Variants in DCAF8 observed in about 807,000 individuals in gnomAD.
DCAF8 encodes DDB1- and CUL4-associated factor 8.
In DCAF8, 20 loss-of-function variants were observed where a neutral mutation model predicts 68.0. The observed-to-expected ratio is 0.29, with a 90% confidence interval of 0.21 to 0.43. The LOEUF (loss-of-function observed/expected upper bound fraction) is 0.43. Among genes scored for constraint, DCAF8 ranks in the 20% least tolerant of loss-of-function variants. The pLI, the probability that DCAF8 is intolerant of heterozygous loss-of-function variation, is 1.00. For synonymous variants in DCAF8, 230 were observed against 276.9 expected (o/e 0.83, Z 1.68); for missense variants, 460 against 771.0 (o/e 0.60, Z 4.78).
At chr1:160,245,687 G>C (rs1039941376) in intron 2 of DCAF8, among the ~76,000 whole-genome samples, 2 of 152,148 alleles carry the variant, frequency 1.3e-5, no homozygotes, top group African/African-American at 4.8e-5. Flanking sequence ...ATAGTGAGAA[G>C]CTGTTTGCAA....
At chr1:160,222,811 A>G in intron 10 of DCAF8, 30 bp from the exon 11 acceptor site, 2 of 1,613,958 alleles carry the variant, frequency 1.2e-6, no homozygotes, top group Non-Finnish European at 1.7e-6. Flanking sequence ...AAGAAACCAC[A>G]TGAGGGTTGG....
intron 2 of DCAF8, among the ~76,000 whole-genome samples, chr1:160,260,715 ATTT>A (rs33929285): frequency 1.4e-5 from 2 of 140,522 alleles, no homozygotes; most frequent in African/African-American, 5.1e-5. Flanking sequence ...AGCAGCCACT[ATTT>A]TTTTTTTTTT....
intron 7 of DCAF8, among the ~76,000 whole-genome samples, chr1:160,226,942 G>C (rs1009247177): frequency 3.9e-5 from 6 of 152,206 alleles, no homozygotes; most frequent in Admixed American, 1.3e-4. Context: ...AAAGGTGGTA[G>C]TTAAAGCATT....
chr1:160,235,257 C>T (rs1655829164), intron 6 of DCAF8, among the ~76,000 whole-genome samples: 2 of 151,888 alleles, frequency 1.3e-5, no homozygotes. Context: ...TCTCAGCCTC[C>T]TGAGTAGCTG....
intron 6 of DCAF8, among the ~76,000 whole-genome samples, chr1:160,233,437 A>C (rs1655763405): frequency 6.6e-6 from 1 of 152,152 alleles, no homozygotes; most frequent in Non-Finnish European, 1.5e-5. Flanking sequence ...ACTGAAAATG[A>C]ATGTCATTAG....
rs1218998920 is a variant in DCAF8, at chr1:160,215,730, A to G, written c.*1862T>C. On this transcript the variant is annotated 3_prime_UTR_variant, in exon 14 of 14. Coordinates refer to ENST00000368074, the MANE Select transcript of DCAF8 (RefSeq NM_015726.4). ...CACACAGAGCAGCAGTCGGGAGAAG[A>G]AAAGCTTTACTGGGAGAAAATACAA... The G allele has an allele frequency of 1.3e-5, 2 of 152,270 alleles. No individual in the cohort carries two copies. The highest frequency in any genetic ancestry group is 3.8e-4 in the East Asian group (2 of 5,202). The allele number at this position is 152,270 out of a possible 1,614,324, so 9.4% of individuals were successfully genotyped here.
chr1:160,235,057 A>G (rs1655822280), intron 6 of DCAF8, among the ~76,000 whole-genome samples: 2 of 152,286 alleles, frequency 1.3e-5, no homozygotes, highest in South Asian at 4.1e-4. Context: ...AAATTAATTT[A>G]TATTTTACTT....
At chr1:160,224,397 A>G in intron 10 of DCAF8, 45 bp downstream of exon 10, 1 of 1,483,840 alleles carries the variant, frequency 6.7e-7, no homozygotes, top group Non-Finnish European at 9.4e-7. Context: ...TGGTTCTCCA[A>G]AGCCAACAGG....
chr1:160,242,014 G>A (rs56300764), intron 3 of DCAF8, among the ~76,000 whole-genome samples: 4,900 of 152,190 alleles, frequency 0.032, 252 homozygotes, highest in African/African-American at 0.11. Flanking sequence ...AGGCCAAGGC[G>A]GGTGGATCAC....
chr1:160,258,020 C>T (rs1009037049), intron 2 of DCAF8, among the ~76,000 whole-genome samples: 6 of 152,168 alleles, frequency 3.9e-5, no homozygotes, highest in Admixed American at 1.3e-4. Context: ...ATGAGCCAGC[C>T]GCACTCAGCC....
chr1:160,259,464 C>T (rs1346288957), intron 2 of DCAF8, among the ~76,000 whole-genome samples: 2 of 152,042 alleles, frequency 1.3e-5, no homozygotes, highest in African/African-American at 2.4e-5. Context: ...ACCAGGGAGT[C>T]GGAGGTTGCA....
intron 11 of DCAF8, 89 bp from the exon 12 acceptor site, chr1:160,219,057 CT>C: frequency 6.4e-7 from 1 of 1,560,960 alleles, no homozygotes; most frequent in Non-Finnish European, 8.7e-7. Context: ...AATAACTGCC[CT>C]TGATCAGGGC....
intron 12 of DCAF8, 145 bp downstream of exon 12, chr1:160,218,702 TAC>T: frequency 7.9e-7 from 1 of 1,265,026 alleles, no homozygotes; most frequent in Non-Finnish European, 1.1e-6. Context: ...GGACTATTCC[TAC>T]AGAGGAAATT....
At chr1:160,243,223 C>T (rs1472798226) in intron 3 of DCAF8, among the ~76,000 whole-genome samples, 1 of 151,982 alleles carries the variant, frequency 6.6e-6, no homozygotes, top group Non-Finnish European at 1.5e-5. Flanking sequence ...ATTCTGCCTT[C>T]AAATCTGCCC....
intron 7 of DCAF8, among the ~76,000 whole-genome samples, chr1:160,229,289 C>CT (rs980571926): frequency 4.0e-5 from 6 of 151,384 alleles, no homozygotes; most frequent in Non-Finnish European, 8.8e-5. Flanking sequence ...AAGTGAGACT[C>CT]TGTCTCAAAA....
At chr1:160,232,281 AG>A (rs1655717941) in intron 6 of DCAF8, among the ~76,000 whole-genome samples, 1 of 151,954 alleles carries the variant, frequency 6.6e-6, no homozygotes, top group Non-Finnish European at 1.5e-5. Flanking sequence ...GCACTTTGGG[AG>A]GAACACTTGA....
intron 7 of DCAF8, 37 bp from the exon 8 acceptor site, chr1:160,225,700 C>T: frequency 6.4e-7 from 1 of 1,555,170 alleles, no homozygotes; most frequent in Middle Eastern, 1.7e-4. Flanking sequence ...TAAAAATGTA[C>T]AAACGAAACC....
rs371987013 is a variant in DCAF8 at position 160,217,708 on chromosome 1, G to A, written c.1678C>T (p.Arg560Cys). The change falls in exon 14 of 14, where the codon CGC becomes TGC. Residue 560 changes from arginine to cysteine, a missense_variant and splice_region_variant. Arg to Cys is a radical substitution (Grantham distance 180). Around this residue, in one of 8 missense-constraint regions of DCAF8, gnomAD observed 80 missense variants for 115.1 expected, o/e 0.70. Coordinates refer to ENST00000368074, the MANE Select transcript of DCAF8 (RefSeq NM_015726.4). Reference sequence around the variant, plus strand: ...GCCCCAACCCCAGGTTCTCGCCAGCGCTGTGGATGGGAAAGGCTTGTTAGT... The same window carrying A: ...GCCCCAACCCCAGGTTCTCGCCAGCACTGTGGATGGGAAAGGCTTGTTAGT... Reference protein sequence around the residue: ...HHLRQRRHHRRWREPGVGATD... With the variant: ...HHLRQRRHHRCWREPGVGATD... 1.2e-6 allele frequency: 2 copies of A among 1,612,856 alleles called. No individual in the cohort carries two copies. The highest frequency in any genetic ancestry group is 8.5e-7 in the Non-Finnish European group (1 of 1,178,884).
chr1:160,239,515 G>T, intron 4 of DCAF8, 182 bp downstream of exon 4: 1 of 1,502,368 alleles, frequency 6.7e-7, no homozygotes, highest in Non-Finnish European at 8.9e-7. Context: ...ACATGCTCAA[G>T]GAATCTAGGG....
Sources: allele counts gnomAD v4.1 joint callset (sites outside exome capture counted in the v4.1 genomes callset), GRCh38; gene constraint gnomAD v4.1.1; regional missense constraint gnomAD v4.1.1; transcripts MANE v1.5; gene names NCBI Gene and HGNC (gene_info 2026-07-23, HGNC 2026-07-21).